The following NOL4 variants were observed in gnomAD, a reference collection of about 807,000 sequenced individuals.
NOL4 encodes cancer/testis antigen 125.
Under a neutral mutation model 75.9 loss-of-function variants are expected in NOL4, and 17 were observed. The observed-to-expected ratio is 0.22, with a 90% CI of 0.15 to 0.34. The LOEUF (loss-of-function observed/expected upper bound fraction) is 0.34, where lower values mean the gene tolerates loss of function less well. Ranked by LOEUF, NOL4 falls within the 10% of genes least tolerant of loss-of-function variation. NOL4 has a pLI of 1.00. For missense variants in NOL4, 614 were observed against 793.5 expected (o/e 0.77, Z 2.72); for synonymous variants, 292 against 289.9 (o/e 1.01, Z -0.07).
rs1038801490 is a variant in NOL4 at position 33,906,918 on chromosome 18, AATT to A, written c.1543-23497_1543-23495del. ...AAAAGCAGGGTCTGTTCTGTTATATAATTATCTTTATGAAAAATGCAATAACAG... is the reference window on the plus strand; with the variant it reads ...AAAAGCAGGGTCTGTTCTGTTATATAATCTTTATGAAAAATGCAATAACAG... On this transcript the variant is annotated intron_variant, in intron 9 of 10. Transcript: ENST00000261592. Among the ~76,000 whole-genome samples the A allele has an allele frequency of 5.9e-5, 9 of 152,298 alleles. 1 individual carries two copies. Among genetic ancestry groups the A allele is most frequent in the Admixed American group, 3.3e-4 (5 of 15,286 alleles).
chr18:34,222,078 A>C (rs966575027), intron 1 of NOL4: 53 of 1,534,986 alleles, frequency 3.5e-5, no homozygotes, highest in Non-Finnish European at 4.4e-5. Flanking sequence ...TGTAGCCCAC[A>C]GTTCCCATCT....
At chr18:34,199,514 C>T (rs2146470198) in intron 1 of NOL4, among the ~76,000 whole-genome samples, 1 of 152,000 alleles carries the variant, frequency 6.6e-6, no homozygotes, top group South Asian at 2.1e-4. Flanking sequence ...AGAATCCCAA[C>T]TTAACTCTGA....
intron 5 of NOL4, among the ~76,000 whole-genome samples, chr18:34,056,590 C>T (rs2076843012): frequency 6.6e-6 from 1 of 152,098 alleles, no homozygotes; most frequent in Admixed American, 6.5e-5. Flanking sequence ...CAGGAAGCCC[C>T]TAGACAAACC....
At chr18:33,904,450 G>C (rs1400674744) in intron 9 of NOL4, among the ~76,000 whole-genome samples, 1 of 151,946 alleles carries the variant, frequency 6.6e-6, no homozygotes, top group African/African-American at 2.4e-5. Flanking sequence ...CTAAGGGATG[G>C]GAGGTCAGAT....
intron 5 of NOL4, among the ~76,000 whole-genome samples, chr18:34,066,920 T>A (rs1170545456): frequency 6.6e-6 from 1 of 152,074 alleles, no homozygotes; most frequent in Non-Finnish European, 1.5e-5. Context: ...AATAGCTGAC[T>A]AATAAAGAAT....
chr18:33,917,466 C>T (rs1482145128), intron 9 of NOL4, among the ~76,000 whole-genome samples: 1 of 151,958 alleles, frequency 6.6e-6, no homozygotes, highest in East Asian at 1.9e-4. Flanking sequence ...CCAACATGAT[C>T]GTCTTAAACT....
rs1401471800 is a variant in NOL4, at chr18:33,852,464, C to T, written c.*378G>A. 7.1e-6 allele frequency: 1 copy of T among 141,534 alleles called. No homozygotes were observed. The highest frequency in any genetic ancestry group is 2.7e-5 in the African/African-American group (1 of 36,820). 8.8% of individuals were successfully genotyped at this position (141,534 alleles called of 1,614,324 possible). The stretch of plus-strand genomic sequence containing the variant: ...TTTTTTTTTTTGCCAGGTACTTCAG[C>T]TTTCAGTCCAATGAGTCAGTAGCAA... On this transcript the variant is annotated 3_prime_UTR_variant, in exon 11 of 11. Transcript: ENST00000261592.
intron 5 of NOL4, among the ~76,000 whole-genome samples, chr18:34,051,983 A>G (rs2076642963): frequency 6.6e-6 from 1 of 152,056 alleles, no homozygotes; most frequent in South Asian, 2.1e-4. Context: ...CAACTAGGAA[A>G]AAGAGTGGCC....
intron 9 of NOL4, among the ~76,000 whole-genome samples, chr18:33,899,111 C>A (rs950240963): frequency 2.0e-5 from 3 of 151,996 alleles, no homozygotes; most frequent in South Asian, 4.2e-4. Context: ...TAAAACTAAC[C>A]CCTGAGGAGA....
intron 1 of NOL4, among the ~76,000 whole-genome samples, chr18:34,184,256 T>C (rs1290361939): frequency 6.6e-6 from 1 of 151,896 alleles, no homozygotes; most frequent in Non-Finnish European, 1.5e-5. Context: ...GATAATTATT[T>C]ATATCATTGT....
intron 5 of NOL4, among the ~76,000 whole-genome samples, chr18:34,084,342 C>T (rs780158827): frequency 9.2e-5 from 14 of 152,106 alleles, no homozygotes; most frequent in Non-Finnish European, 1.8e-4. Flanking sequence ...TACCAGAGTT[C>T]TGTCCATAAA....
chr18:34,073,035 A>T (rs2077589026), intron 5 of NOL4, among the ~76,000 whole-genome samples: 1 of 152,156 alleles, frequency 6.6e-6, no homozygotes, highest in South Asian at 2.1e-4. Context: ...AATTAAATGC[A>T]AACTAACAGA....
chr18:34,186,577 A>G (rs1198073622), intron 1 of NOL4, among the ~76,000 whole-genome samples: 1 of 152,154 alleles, frequency 6.6e-6, no homozygotes, highest in Non-Finnish European at 1.5e-5. Context: ...TTTCGGTCCA[A>G]TGAAACTATG....
At chr18:34,186,873 T>C (rs1274541986) in intron 1 of NOL4, among the ~76,000 whole-genome samples, 1 of 152,174 alleles carries the variant, frequency 6.6e-6, no homozygotes, top group Non-Finnish European at 1.5e-5. Flanking sequence ...AAGTTGTAAG[T>C]TCACAGCCAA....
chr18:34,019,689 A>G (rs2144445315), intron 5 of NOL4, 88 bp from the exon 6 acceptor site: 1 of 1,159,992 alleles, frequency 8.6e-7, no homozygotes, highest in Non-Finnish European at 1.2e-6. Context: ...CTCCCATTAT[A>G]TGAATGGCAT....
intron 1 of NOL4, among the ~76,000 whole-genome samples, chr18:34,140,882 C>T (rs138261984): frequency 4.5e-4 from 69 of 151,946 alleles, no homozygotes; most frequent in African/African-American, 1.6e-3. Flanking sequence ...CTCATGGTGA[C>T]AAAATCTCTC....
intron 5 of NOL4, among the ~76,000 whole-genome samples, chr18:34,080,211 C>T (rs1016652127): frequency 1.3e-5 from 2 of 152,158 alleles, no homozygotes; most frequent in Non-Finnish European, 2.9e-5. Context: ...CTCCTCCATC[C>T]TCAGGTCAAA....
chr18:33,874,553 G>A (rs2063843291), intron 10 of NOL4, among the ~76,000 whole-genome samples: 1 of 151,872 alleles, frequency 6.6e-6, no homozygotes, highest in Admixed American at 6.6e-5. Flanking sequence ...TAATCATCAA[G>A]ATTCAAATAT....
chr18:33,923,384 G>T (rs527885745), intron 9 of NOL4, among the ~76,000 whole-genome samples: 11 of 151,896 alleles, frequency 7.2e-5, no homozygotes, highest in African/African-American at 2.2e-4. Flanking sequence ...CATTGAAATA[G>T]AATTTTTTTT....
Sources: allele counts gnomAD v4.1 joint callset (sites outside exome capture counted in the v4.1 genomes callset), GRCh38; gene constraint gnomAD v4.1.1; transcripts MANE v1.5; gene names NCBI Gene and HGNC (gene_info 2026-07-23, HGNC 2026-07-21).